The following KCNAB1 variants were observed in gnomAD, a reference collection of about 807,000 sequenced individuals.
The protein encoded by KCNAB1 is voltage-gated potassium channel subunit beta-1.
In KCNAB1, 35 loss-of-function variants were observed where a neutral mutation model predicts 64.6. The ratio of observed to expected loss-of-function variants is 0.54; its 90% CI spans 0.41 to 0.72. The LOEUF is 0.72. Ranked by LOEUF, KCNAB1 falls within the 30% of genes least tolerant of loss-of-function variation. KCNAB1 has a pLI of 0.00. For missense variants in KCNAB1, 401 were observed against 512.9 expected, an observed-to-expected ratio of 0.78 and a Z score of 2.11; for synonymous variants, 177 against 183.8, an observed-to-expected ratio of 0.96 and a Z score of 0.30.
rs569182252 is a variant in KCNAB1 at position 156,427,759 on chromosome 3, G to A, written c.319+6100G>A. On this transcript the variant is annotated intron_variant, in intron 2 of 13. Coordinates refer to ENST00000490337, the MANE Select transcript of KCNAB1 (RefSeq NM_172160.3). ...TTGTCCTAAAAGAGCGTTGGAGACC[G>A]GGGAACCTACCACATACACAGGTGA... 3.3e-5 allele frequency among the ~76,000 whole-genome samples: 5 copies of A among 152,214 alleles called. No homozygotes were observed. In the South Asian group the frequency reaches 6.2e-4, roughly 19 times the overall value.
At chr3:156,255,859 A>G (rs1718073398) in intron 1 of KCNAB1, among the ~76,000 whole-genome samples, 1 of 152,108 alleles carries the variant, frequency 6.6e-6, no homozygotes, top group Non-Finnish European at 1.5e-5. Context: ...ATTTTGCCCT[A>G]TATTGTGGTT....
chr3:156,180,294 G>A (rs962678123), intron 1 of KCNAB1, among the ~76,000 whole-genome samples: 1 of 152,220 alleles, frequency 6.6e-6, no homozygotes, highest in Non-Finnish European at 1.5e-5. Context: ...AGTAAATGGT[G>A]GAGCCAAGCA....
At position 156,473,869 on chromosome 3, in the gene KCNAB1, A is replaced by G. The variant is rs539417902; in HGVS notation, c.572-865A>G. ...ATGCTGTGCCCCATGGAAATAGGGT[A>G]ACATGATTCTCGAACACTGTCATCC... On this transcript the variant is annotated intron_variant, in intron 7 of 13. Coordinates refer to ENST00000490337, the MANE Select transcript of KCNAB1 (RefSeq NM_172160.3). 6.6e-5 allele frequency among the ~76,000 whole-genome samples: 10 copies of G among 152,342 alleles called. No homozygotes were observed. The South Asian group carries it at 1.4e-3, about 22-fold the overall frequency.
At chr3:156,291,670 CG>C (rs1720433449) in intron 1 of KCNAB1, 2 of 1,395,454 alleles carry the variant, frequency 1.4e-6, no homozygotes, top group Non-Finnish European at 1.9e-6. Context: ...GTGACAACTT[CG>C]GGGCCGTCTG....
intron 1 of KCNAB1, among the ~76,000 whole-genome samples, chr3:156,261,616 C>G (rs1200524821): frequency 6.6e-6 from 1 of 151,948 alleles, no homozygotes; most frequent in Non-Finnish European, 1.5e-5. Context: ...TTATCCTTTG[C>G]CAATACCACA....
At chr3:156,338,028 A>G (rs1241589695) in intron 1 of KCNAB1, among the ~76,000 whole-genome samples, 3 of 152,152 alleles carry the variant, frequency 2.0e-5, no homozygotes, top group Admixed American at 2.0e-4. Context: ...TGTATACACA[A>G]GTAACAATGT....
At chr3:156,266,148 C>A (rs13081735) in intron 1 of KCNAB1, among the ~76,000 whole-genome samples, 21,484 of 152,048 alleles carry the variant, frequency 0.14, 1,676 homozygotes, top group African/African-American at 0.17. Context: ...GATTTTAGCT[C>A]ATTTTTTTCC....
intron 1 of KCNAB1, chr3:156,143,158 G>T: frequency 6.4e-7 from 1 of 1,565,448 alleles, no homozygotes; most frequent in Non-Finnish European, 8.6e-7. Flanking sequence ...AATTAGCTTT[G>T]CTTCCTTGGG....
At chr3:156,133,581 G>C (rs1393837211) in intron 1 of KCNAB1, among the ~76,000 whole-genome samples, 2 of 152,196 alleles carry the variant, frequency 1.3e-5, no homozygotes, top group Non-Finnish European at 2.9e-5. Flanking sequence ...AGGATACAGG[G>C]ATGCAGAGTC....
At chr3:156,300,738 A>G (rs1289168990) in intron 1 of KCNAB1, among the ~76,000 whole-genome samples, 3 of 152,212 alleles carry the variant, frequency 2.0e-5, no homozygotes. Context: ...ACACATAGCA[A>G]TTCTTATGAG....
intron 1 of KCNAB1, among the ~76,000 whole-genome samples, chr3:156,244,946 G>T (rs1194232135): frequency 1.3e-5 from 2 of 152,198 alleles, no homozygotes; most frequent in Non-Finnish European, 2.9e-5. Context: ...AGAGAGCATC[G>T]CTCCAACCTC....
At chr3:156,409,365 G>A (rs184511427) in intron 1 of KCNAB1, among the ~76,000 whole-genome samples, 6 of 152,318 alleles carry the variant, frequency 3.9e-5, no homozygotes, top group African/African-American at 1.4e-4. Context: ...GGATTCTATA[G>A]TTGCCATGCA....
chr3:156,147,141 T>C (rs1008994045), intron 1 of KCNAB1, among the ~76,000 whole-genome samples: 3 of 151,978 alleles, frequency 2.0e-5, no homozygotes, highest in Non-Finnish European at 4.4e-5. Context: ...GTTGCAAGAG[T>C]TAGACCTGGA....
chr3:156,312,358 T>G (rs972679992), intron 1 of KCNAB1, among the ~76,000 whole-genome samples: 11 of 152,038 alleles, frequency 7.2e-5, no homozygotes, highest in Non-Finnish European at 1.5e-4. Context: ...CTATTGAGAG[T>G]TCCAGTAAGA....
At chr3:156,479,392 A>G (rs1285621911) in intron 8 of KCNAB1, among the ~76,000 whole-genome samples, 5 of 152,106 alleles carry the variant, frequency 3.3e-5, no homozygotes, top group Admixed American at 2.0e-4. Context: ...TGTGTGTCCA[A>G]GGAGCCATAT....
chr3:156,370,064 T>G (rs548870209), intron 1 of KCNAB1, among the ~76,000 whole-genome samples: 1 of 152,340 alleles, frequency 6.6e-6, no homozygotes, highest in Admixed American at 6.5e-5. Context: ...TTCCACCCTC[T>G]GGACAGTTTG....
chr3:156,451,464 G>A (rs1434484042), intron 2 of KCNAB1, among the ~76,000 whole-genome samples: 1 of 152,158 alleles, frequency 6.6e-6, no homozygotes, highest in Non-Finnish European at 1.5e-5. Context: ...AAGCCAGTCC[G>A]TTTGGGGAAT....
intron 8 of KCNAB1, among the ~76,000 whole-genome samples, chr3:156,486,419 C>T (rs1715220426): frequency 6.6e-6 from 1 of 152,172 alleles, no homozygotes; most frequent in Non-Finnish European, 1.5e-5. Flanking sequence ...TGAGCTCCAT[C>T]CACCCCAGCA....
chr3:156,482,394 A>G (rs1261629858), intron 8 of KCNAB1, among the ~76,000 whole-genome samples: 1 of 152,080 alleles, frequency 6.6e-6, no homozygotes, highest in African/African-American at 2.4e-5. Context: ...CCTTAGAAAA[A>G]TCACATTCTT....
Sources: allele counts gnomAD v4.1 joint callset (sites outside exome capture counted in the v4.1 genomes callset), GRCh38; gene constraint gnomAD v4.1.1; transcripts MANE v1.5; gene names NCBI Gene and HGNC (gene_info 2026-07-23, HGNC 2026-07-21).